IFT172: variants seen among roughly 807,000 people sequenced by gnomAD.
The protein encoded by IFT172 is intraflagellar transport 172.
Under a neutral mutation model 248.9 loss-of-function variants are expected in IFT172, and 164 were observed. The ratio of observed to expected loss-of-function variants is 0.66; its 90% CI spans 0.58 to 0.75. IFT172 has a LOEUF of 0.75. Ranked by LOEUF, IFT172 falls within the 30% of genes least tolerant of loss-of-function variation. The pLI is 0.00. For synonymous variants in IFT172, 729 were observed against 791.6 expected, an observed-to-expected ratio of 0.92 and a Z score of 1.33; for missense variants, 1,950 against 2,192.4, an observed-to-expected ratio of 0.89 and a Z score of 2.21.
chr2:27,454,673 G>A lies in IFT172; in HGVS notation c.3372-13C>T, dbSNP rs753177295. ...AAATTCAAAGGAGCTGAAACAGAAA[G>A]TGCAGATAAAGTTTTCTTGCTTCAT... On this transcript the variant is annotated splice_polypyrimidine_tract_variant and intron_variant, in intron 30 of 47. Coordinates refer to ENST00000260570, the MANE Select transcript of IFT172 (RefSeq NM_015662.3). The surrounding 1 kb of genome is among the most constrained non-coding windows in gnomAD (Gnocchi z 4.2). 3.7e-6 allele frequency: 6 copies of A among 1,613,064 alleles called. No individual in the cohort carries two copies. Among genetic ancestry groups the A allele is most frequent in the Middle Eastern group, 1.7e-4 (1 of 6,060 alleles).
At position 27,465,548 on chromosome 2, in the gene IFT172, A is replaced by G. The variant is rs778113462; in HGVS notation, c.1830-30T>C. The G allele has an allele frequency of 1.9e-6, 3 of 1,604,722 alleles. No homozygotes were observed. The Admixed American group carries it at 5.0e-5, about 27-fold the overall frequency. ...AAAGGGAAGGAAGCAAAGCATAATG[A>G]ATGAGGAATGGGTTAGGAAGATACA... On this transcript the variant is annotated intron_variant, in intron 17 of 47. Transcript: ENST00000260570.
rs1666414131 is a variant in IFT172 at position 27,458,973 on chromosome 2, A to G, written c.2788-105T>C. ...GCTGGGATGGTGGAGAGCCTGCGAT[A>G]CAACCTTGTAATAATAGAGAAGAAA... On this transcript the variant is annotated intron_variant, in intron 25 of 47. Transcript: ENST00000260570. 6.3e-6 allele frequency: 7 copies of G among 1,114,964 alleles called. No individual in the cohort carries two copies. In the South Asian group the frequency reaches 1.0e-4, roughly 17 times the overall value. 69.1% of individuals were successfully genotyped at this position (1,114,964 alleles called of 1,614,324 possible). A position where few individuals can be genotyped will look rare whatever the true frequency, so the allele number is the denominator to read the frequency against.
chr2:27,456,209 C>CAA (rs1016528482), intron 30 of IFT172, among the ~76,000 whole-genome samples: 1 of 139,408 alleles, frequency 7.2e-6, no homozygotes, highest in South Asian at 2.3e-4. Flanking sequence ...GACTCTGTCT[C>CAA]AAAAAAAAAA....
In IFT172 at chr2:27,469,738, A is replaced by C. The variant is rs111742468; in HGVS notation, c.1692+1190T>G. ...TCCCAGCTACTTGGGATGCTGAGGC[A>C]GGAGACTCTCTTGAATCCAGGAGAC... On this transcript the variant is annotated intron_variant, in intron 16 of 47. Transcript: ENST00000260570. Among the ~76,000 whole-genome samples, 200 of 152,282 alleles carry C rather than the reference A, an allele frequency of 1.3e-3. 1 individual carries two copies. The highest frequency in any genetic ancestry group is 3.8e-3 in the Admixed American group (58 of 15,294).
In IFT172 at chr2:27,453,166, A is replaced by G; in HGVS notation, c.3951+218T>C. ...AGTAATTGAGCCATTTATTGGTCTA[A>G]TTCCCCTAACTTTTGGCTGTCAGGG... On this transcript the variant is annotated intron_variant, in intron 35 of 47. Coordinates refer to ENST00000260570, the MANE Select transcript of IFT172 (RefSeq NM_015662.3). 3 of 702,850 alleles carry G rather than the reference A, an allele frequency of 4.3e-6. No homozygotes were observed. The South Asian group carries it at 4.4e-5, about 10-fold the overall frequency. 43.5% of individuals were successfully genotyped at this position (702,850 alleles called of 1,614,324 possible).
chr2:27,466,955 C>A (rs1426391603), intron 16 of IFT172, among the ~76,000 whole-genome samples: 1 of 151,324 alleles, frequency 6.6e-6, no homozygotes, highest in Non-Finnish European at 1.5e-5. Context: ...TTTGCTCATG[C>A]AGTGAGCCAT....
At chr2:27,471,892 T>C in intron 15 of IFT172, 1 of 350,336 alleles carries the variant, frequency 2.9e-6, no homozygotes, top group Non-Finnish European at 5.1e-6. Flanking sequence ...ACAAAAATTA[T>C]CTAGGTGTGG....
chr2:27,476,847 G>A (rs1362653433), intron 13 of IFT172, 121 bp from the exon 14 acceptor site: 2 of 653,850 alleles, frequency 3.1e-6, no homozygotes, highest in East Asian at 5.5e-5. Context: ...TTTGAGACAG[G>A]GTCTCACTCT....
At position 27,445,548 on chromosome 2, in the gene IFT172, T is replaced by A; in HGVS notation, c.4915-99A>T. 1 of 1,399,198 alleles carries A rather than the reference T, an allele frequency of 7.1e-7. No homozygotes were observed. Among genetic ancestry groups the A allele is most frequent in the Non-Finnish European group, 9.7e-7 (1 of 1,030,596 alleles). The allele number at this position is 1,399,198 out of a possible 1,614,324, so 86.7% of individuals were successfully genotyped here. On this transcript the variant is annotated intron_variant, in intron 45 of 47. Transcript: ENST00000260570. The surrounding 1 kb of genome is among the most constrained non-coding windows in gnomAD (Gnocchi z 4.4). The stretch of plus-strand genomic sequence containing the variant: ...GGGGGTTTGCTAAGCCCTCATCCTG[T>A]ATACCAGCTTTTAGCCACGAATCCT...
intron 17 of IFT172, 75 bp from the exon 18 acceptor site, chr2:27,465,593 G>C: frequency 6.5e-7 from 1 of 1,540,068 alleles, no homozygotes; most frequent in African/African-American, 1.4e-5. Context: ...TGGTGATGGG[G>C]CAAGGGGAGG....
At position 27,479,545 on chromosome 2, in the gene IFT172, C is replaced by T. The variant is rs753550449; in HGVS notation, c.969G>A (p.Lys323=). Residue 323 remains lysine, a synonymous_variant, in exon 10 of 48, where the codon AAG becomes AAA. Transcript: ENST00000260570. Reference sequence around the variant, plus strand: ...CCACATACGTCAACTCAAACTTGTTCTTGTAAATACTCCTTCGGAGGCAGC... The same window carrying T: ...CCACATACGTCAACTCAAACTTGTTTTTGTAAATACTCCTTCGGAGGCAGC... ...FDCCLRRSIY[K]NKFELTYVGP... is the part of the protein sequence containing the mutation. The T allele has an allele frequency of 2.5e-6, 4 of 1,613,300 alleles. No homozygotes were observed. Among genetic ancestry groups the T allele is most frequent in the Non-Finnish European group, 3.4e-6 (4 of 1,179,264 alleles).
intron 42 of IFT172, 54 bp downstream of exon 42, chr2:27,447,461 C>T (rs1170458642): frequency 1.3e-6 from 2 of 1,595,360 alleles, no homozygotes; most frequent in Non-Finnish European, 8.6e-7. Context: ...CAGCTTTATA[C>T]ATTTGCAGAT....
chr2:27,458,578 T>C (rs191089416), intron 26 of IFT172, among the ~76,000 whole-genome samples: 331 of 152,300 alleles, frequency 2.2e-3, no homozygotes, highest in Non-Finnish European at 3.5e-3. Flanking sequence ...TCCTTCAGAA[T>C]GATAGATAGG....
intron 29 of IFT172, among the ~76,000 whole-genome samples, chr2:27,457,315 A>C (rs1436883970): frequency 6.6e-6 from 1 of 152,192 alleles, no homozygotes; most frequent in East Asian, 1.9e-4. Context: ...CATAGCTGTA[A>C]TCCCAACACT....
intron 36 of IFT172, 47 bp from the exon 37 acceptor site, chr2:27,449,847 C>G: frequency 6.7e-7 from 1 of 1,491,130 alleles, no homozygotes; most frequent in Non-Finnish European, 9.3e-7. Flanking sequence ...CGCTCCCAGT[C>G]TTCCCACTGT....
intron 14 of IFT172, chr2:27,475,545 GCTAA>G (rs1667897880): frequency 1.2e-4 from 18 of 152,174 alleles, no homozygotes; most frequent in African/African-American, 4.3e-4. Context: ...ACGGGGCCAT[GCTAA>G]TCTTCTCTTT....
chr2:27,465,859 C>G lies in IFT172; in HGVS notation c.1716G>C (p.Arg572=). 1 of 1,614,098 alleles carries G rather than the reference C, an allele frequency of 6.2e-7. No individual in the cohort carries two copies. Among genetic ancestry groups the G allele is most frequent in the South Asian group, 1.1e-5 (1 of 91,074 alleles). ...TIRGDVIGLE[R]GGGKTEVMVM... ...CCATCACCTCGGTCTTTCCCCCGCC[C>G]CGCTCCAGACCTATAACATCACCCT... is the stretch of plus-strand genomic sequence containing the variant. Residue 572 remains arginine, a synonymous_variant, in exon 17 of 48, where the codon CGG becomes CGC. Coordinates refer to ENST00000260570, the MANE Select transcript of IFT172 (RefSeq NM_015662.3).
intron 16 of IFT172, among the ~76,000 whole-genome samples, chr2:27,468,077 T>A (rs1268356994): frequency 6.6e-6 from 1 of 151,390 alleles, no homozygotes; most frequent in Non-Finnish European, 1.5e-5. Flanking sequence ...GGAGAATTGC[T>A]TAAACCCGGG....
chr2:27,476,540 G>A (rs577410604), intron 14 of IFT172, 101 bp downstream of exon 14: 21 of 717,696 alleles, frequency 2.9e-5, no homozygotes, highest in Non-Finnish European at 4.4e-5. Context: ...TACCTGGTGC[G>A]TCTCAGATTC....
Sources: gnomAD v4.1 joint callset for allele counts (sites outside exome capture counted in the v4.1 genomes callset) on GRCh38, gnomAD v4.1.1 for gene constraint, Gnocchi (gnomAD v3.1) non-coding constraint, MANE v1.5 for transcripts, NCBI Gene and HGNC (gene_info 2026-07-23, HGNC 2026-07-21) for gene names.